Variants in CHD1 observed in about 807,000 individuals in gnomAD.
CHD1 encodes the protein ATP-dependent chromatin remodeler CHD1.
Under a neutral mutation model 224.2 loss-of-function variants are expected in CHD1, and 36 were observed. The observed-to-expected ratio is 0.16, with a 90% CI of 0.12 to 0.21. CHD1 has a LOEUF of 0.21. Ranked by LOEUF, CHD1 falls within the 10% of genes least tolerant of loss-of-function variation. The pLI, the probability that CHD1 is intolerant of heterozygous loss-of-function variation, is 1.00. For synonymous variants in CHD1, 668 were observed against 658.3 expected, an observed-to-expected ratio of 1.01 and a Z score of -0.23; for missense variants, 1,378 against 1,994.8, an observed-to-expected ratio of 0.69 and a Z score of 5.89.
chr5:98,900,098 C>A (rs919126762), intron 7 of CHD1, among the ~76,000 whole-genome samples: 1 of 151,796 alleles, frequency 6.6e-6, no homozygotes, highest in African/African-American at 2.4e-5. Context: ...CTGGCTAACA[C>A]GGTGAAACCC....
intron 7 of CHD1, 120 bp from the exon 8 acceptor site, chr5:98,899,825 G>A: frequency 1.6e-5 from 10 of 641,248 alleles, no homozygotes; most frequent in South Asian, 2.2e-5. Context: ...AAGTATTGGG[G>A]GTATAGAAAC....
At chr5:98,894,986 T>G (rs1751252518) in intron 12 of CHD1, among the ~76,000 whole-genome samples, 1 of 152,032 alleles carries the variant, frequency 6.6e-6, no homozygotes, top group Admixed American at 6.6e-5. Flanking sequence ...CACGCCCAGC[T>G]AATTTTGTAT....
In CHD1 at chr5:98,879,609, T is replaced by C; in HGVS notation, c.3180A>G (p.Arg1060=). 1 of 1,605,240 alleles carries C rather than the reference T, an allele frequency of 6.2e-7. No homozygotes were observed. Among genetic ancestry groups the C allele is most frequent in the Non-Finnish European group, 8.5e-7 (1 of 1,176,928 alleles). The change falls in exon 23 of 36, where the codon AGA becomes AGG. Residue 1060 remains arginine, a synonymous_variant. Coordinates refer to ENST00000614616, the MANE Select transcript of CHD1 (RefSeq NM_001270.4). ...DQRRRLEEEE[R]QKELEEIYML... Reference sequence around the variant, plus strand: ...TATAAATTTCTTCAAGTTCCTTTTGTCTTTCTTCTTCTTCTAATCGTCTTC... The same window carrying C: ...TATAAATTTCTTCAAGTTCCTTTTGCCTTTCTTCTTCTTCTAATCGTCTTC...
chr5:98,926,566 T>C, intron 1 of CHD1, 32 bp from the exon 2 acceptor site: 1 of 395,360 alleles, frequency 2.5e-6, no homozygotes, highest in Non-Finnish European at 4.4e-6. Flanking sequence ...ATTAACAAAA[T>C]TTCCTGCAGA....
chr5:98,890,487 T>C (rs1209720573), intron 15 of CHD1, among the ~76,000 whole-genome samples: 1 of 152,174 alleles, frequency 6.6e-6, no homozygotes, highest in Non-Finnish European at 1.5e-5. Context: ...TTTCCAGAAA[T>C]TTATGGCAGT....
intron 17 of CHD1, among the ~76,000 whole-genome samples, chr5:98,886,795 T>C (rs1211563361): frequency 6.6e-6 from 1 of 152,120 alleles, no homozygotes; most frequent in Non-Finnish European, 1.5e-5. Flanking sequence ...ATTTTAAGAA[T>C]AGTGGCATCT....
chr5:98,925,008 G>C (rs1323760314), intron 2 of CHD1, among the ~76,000 whole-genome samples: 2 of 151,448 alleles, frequency 1.3e-5, no homozygotes, highest in Non-Finnish European at 2.9e-5. Flanking sequence ...AAAAGTCCAA[G>C]TTTCAGATCA....
rs528726135 is a variant in CHD1 at position 98,860,833 on chromosome 5, T to C, written c.4428-765A>G. On this transcript the variant is annotated intron_variant, in intron 32 of 35. Transcript: ENST00000614616. ...TTTTAAAATGAACTTTGAGAATATATTGAATGATACCTTACTGAAATGAAA... is the reference window on the plus strand; with the variant it reads ...TTTTAAAATGAACTTTGAGAATATACTGAATGATACCTTACTGAAATGAAA... Among the ~76,000 whole-genome samples, 20 of 152,302 alleles carry C rather than the reference T, an allele frequency of 1.3e-4. No individual in the cohort carries two copies. In the East Asian group the frequency reaches 3.1e-3, roughly 23 times the overall value.
At chr5:98,884,604 C>T (rs1379156083) in intron 18 of CHD1, among the ~76,000 whole-genome samples, 2 of 152,130 alleles carry the variant, frequency 1.3e-5, no homozygotes, top group Admixed American at 6.5e-5. Context: ...CAAACCACCA[C>T]TACAGAGCTT....
chr5:98,897,147 A>C (rs1751396715), intron 11 of CHD1, 46 bp downstream of exon 11: 1 of 1,572,078 alleles, frequency 6.4e-7, no homozygotes, highest in African/African-American at 1.4e-5. Context: ...TGTATTGGTA[A>C]ATTCTTACTC....
chr5:98,894,074 G>A (rs909113101), intron 13 of CHD1, among the ~76,000 whole-genome samples: 6 of 152,150 alleles, frequency 3.9e-5, no homozygotes, highest in Non-Finnish European at 7.4e-5. Flanking sequence ...GCCTGATTCC[G>A]CTACTTAAGA....
intron 17 of CHD1, among the ~76,000 whole-genome samples, chr5:98,887,445 T>C (rs906720099): frequency 6.6e-6 from 1 of 152,186 alleles, no homozygotes; most frequent in African/African-American, 2.4e-5. Context: ...TTACTAGCTG[T>C]ATCTACATAA....
rs543215326 is a variant in CHD1, at chr5:98,920,142, G to A, written c.53+6192C>T. 9.2e-5 allele frequency among the ~76,000 whole-genome samples: 14 copies of A among 151,942 alleles called. No individual in the cohort carries two copies. In the East Asian group the frequency reaches 2.7e-3, roughly 29 times the overall value. ...TATAGAGTTGTAATCCACTAAGCTG[G>A]ATTACAACTCAAAGCACATACATAA... On this transcript the variant is annotated intron_variant, in intron 2 of 35. Transcript: ENST00000614616.
chr5:98,867,331 G>A (rs979132879), intron 31 of CHD1, among the ~76,000 whole-genome samples: 3 of 151,988 alleles, frequency 2.0e-5, no homozygotes, highest in Admixed American at 6.5e-5. Flanking sequence ...AAACAACATC[G>A]GTACAAAAAC....
intron 13 of CHD1, among the ~76,000 whole-genome samples, 198 bp downstream of exon 13, chr5:98,894,399 T>C (rs1432492745): frequency 2.0e-5 from 3 of 152,208 alleles, no homozygotes; most frequent in Non-Finnish European, 2.9e-5. Flanking sequence ...CTGTTACATA[T>C]TCTTTCTAAG....
chr5:98,879,576 T>G lies in CHD1; in HGVS notation c.3213A>C (p.Pro1071=). The change falls in exon 23 of 36, where the codon CCA becomes CCC. Residue 1071 remains proline (P), a synonymous_variant. Transcript: ENST00000614616. ...CCTGTTTTGCACAATTTCTCATTCT[T>G]GGGAGCATATAAATTTCTTCAAGTT... is the stretch of plus-strand genomic sequence containing the variant. ...QKELEEIYML[P]RMRNCAKQIS... is the part of the protein sequence containing the mutation. 1 of 1,599,718 alleles carries G rather than the reference T, an allele frequency of 6.3e-7. No individual in the cohort carries two copies. Among genetic ancestry groups the G allele is most frequent in the Non-Finnish European group, 8.5e-7 (1 of 1,176,768 alleles).
chr5:98,924,792 G>C (rs1446106823), intron 2 of CHD1, among the ~76,000 whole-genome samples: 1 of 151,948 alleles, frequency 6.6e-6, no homozygotes, highest in Non-Finnish European at 1.5e-5. Context: ...CCTGGCCAAT[G>C]TGGCGAAACC....
At position 98,892,672 on chromosome 5, in the gene CHD1, C is replaced by T; in HGVS notation, c.2033G>A (p.Gly678Glu). Residue 678 changes from glycine (G) to glutamate (E), a missense_variant, in exon 15 of 36, where the codon GGG (glycine) becomes GAG (glutamate). By Grantham distance (98) the Gly-to-Glu change is moderately conservative. Coordinates refer to ENST00000614616, the MANE Select transcript of CHD1 (RefSeq NM_001270.4). Reference protein sequence around the residue: ...WEDFEEEHGKGREYGYASLHK... With the variant: ...WEDFEEEHGKEREYGYASLHK... ...AAGGCTTGCATAACCATATTCTCTC[C>T]CTTTGCCATGTTCTTCTTCAAAATC... 1.9e-6 allele frequency: 3 copies of T among 1,608,538 alleles called. No homozygotes were observed. Among genetic ancestry groups the T allele is most frequent in the Non-Finnish European group, 2.5e-6 (3 of 1,176,772 alleles).
intron 2 of CHD1, among the ~76,000 whole-genome samples, chr5:98,918,673 C>G (rs161748): frequency 0.012 from 1,743 of 144,896 alleles, 31 homozygotes; most frequent in African/African-American, 0.043. Flanking sequence ...GAGGCTGAGG[C>G]AGGAGAATCA....
Sources: gnomAD v4.1 joint callset for allele counts (sites outside exome capture counted in the v4.1 genomes callset) on GRCh38, gnomAD v4.1.1 for gene constraint, MANE v1.5 for transcripts, NCBI Gene and HGNC (gene_info 2026-07-23, HGNC 2026-07-21) for gene names.